The following CFAP54 variants were observed in gnomAD, a reference collection of about 807,000 sequenced individuals.
The protein encoded by CFAP54 is cilia and flagella associated protein 54.
Under a neutral mutation model 370.4 loss-of-function variants are expected in CFAP54, and 290 were observed. That is an observed-to-expected ratio of 0.78 (90% CI 0.71 to 0.86). CFAP54 has a LOEUF of 0.86. CFAP54 is among the 40% of genes least tolerant of loss of function. The pLI is 0.00. For synonymous variants in CFAP54, 1,206 were observed against 1,236.5 expected, an observed-to-expected ratio of 0.98 and a Z score of 0.52; for missense variants, 3,399 against 3,528.7, an observed-to-expected ratio of 0.96 and a Z score of 0.93.
At chr12:96,789,131 G>A (rs951997767) in intron 62 of CFAP54, among the ~76,000 whole-genome samples, 1 of 152,166 alleles carries the variant, frequency 6.6e-6, no homozygotes, top group Admixed American at 6.5e-5. Flanking sequence ...GTCATTTCAG[G>A]CTCCTCATGT....
intron 12 of CFAP54, among the ~76,000 whole-genome samples, chr12:96,536,633 T>TC (rs1240043642): frequency 6.7e-6 from 1 of 148,782 alleles, no homozygotes; most frequent in East Asian, 1.9e-4. Flanking sequence ...TTTCTTTTTT[T>TC]TTTTTTTTTT....
intron 59 of CFAP54, among the ~76,000 whole-genome samples, chr12:96,764,778 C>A (rs531638341): frequency 1.3e-5 from 2 of 152,272 alleles, no homozygotes; most frequent in African/African-American, 4.8e-5. Flanking sequence ...AAACTATTGG[C>A]AGATATACAT....
intron 41 of CFAP54, 28 bp from the exon 42 acceptor site, chr12:96,685,001 A>G: frequency 6.2e-7 from 1 of 1,606,470 alleles, no homozygotes; most frequent in Non-Finnish European, 8.5e-7. Flanking sequence ...CAGAAAACTT[A>G]CTGCTTGATG....
intron 32 of CFAP54, among the ~76,000 whole-genome samples, chr12:96,638,438 A>G (rs968123188): frequency 6.6e-6 from 1 of 150,426 alleles, no homozygotes; most frequent in Non-Finnish European, 1.5e-5. Context: ...TGGCCTCGCT[A>G]TGTTGCCCAG....
intron 11 of CFAP54, among the ~76,000 whole-genome samples, chr12:96,535,164 C>T (rs931852710): frequency 1.3e-5 from 2 of 151,916 alleles, no homozygotes; most frequent in Admixed American, 1.3e-4. Context: ...GTTCTCCTGC[C>T]TCAGCCTCCC....
At chr12:96,633,012 T>A (rs1328490784) in intron 32 of CFAP54, among the ~76,000 whole-genome samples, 1 of 152,140 alleles carries the variant, frequency 6.6e-6, no homozygotes, top group Non-Finnish European at 1.5e-5. Context: ...TAAAATTACA[T>A]TTTTGAATTT....
At chr12:96,665,315 T>TTAG (rs1957068991) in intron 39 of CFAP54, among the ~76,000 whole-genome samples, 1 of 152,202 alleles carries the variant, frequency 6.6e-6, no homozygotes, top group African/African-American at 2.4e-5. Context: ...CAAAAGCTGT[T>TTAG]TAGTTTAATT....
intron 39 of CFAP54, among the ~76,000 whole-genome samples, chr12:96,669,237 G>A (rs117845206): frequency 0.038 from 5,721 of 152,312 alleles, 133 homozygotes; most frequent in Middle Eastern, 0.071. Flanking sequence ...CTCTTAGAGG[G>A]AAGGATAGAG....
Position 96,500,926 on chromosome 12 carries a change from T to G in CFAP54, c.410T>G (p.Leu137Arg). The G allele has an allele frequency of 6.5e-7, 1 of 1,533,730 alleles. No individual in the cohort carries two copies. Among genetic ancestry groups the G allele is most frequent in the South Asian group, 1.2e-5 (1 of 83,806 alleles). ...AAGCTTCTGAAGGTTGGAGATAGCC[T>G]TTGTCAAATGAAAGTAAGTGCCTCT... is the stretch of plus-strand genomic sequence containing the variant. ...NEKLLKVGDS[L>R]CQMKEYKLAL... The change falls in exon 2 of 68, where the codon CTT becomes CGT. Residue 137 changes from leucine (L) to arginine (R), a missense_variant. This residue lies in a region of CFAP54 where 559 missense variants were observed against 576.7 expected (regional missense o/e 0.97). Coordinates refer to ENST00000524981, the MANE Select transcript of CFAP54 (RefSeq NM_001306084.2).
At chr12:96,791,208 G>A (rs897801992) in intron 62 of CFAP54, among the ~76,000 whole-genome samples, 5 of 144,798 alleles carry the variant, frequency 3.5e-5, no homozygotes, top group Admixed American at 7.4e-5. Flanking sequence ...TTTTTGAGAC[G>A]GAGTCTCACT....
At chr12:96,751,200 A>G (rs1466476575) in intron 55 of CFAP54, among the ~76,000 whole-genome samples, 1 of 152,146 alleles carries the variant, frequency 6.6e-6, no homozygotes, top group Admixed American at 6.5e-5. Flanking sequence ...AGTTACTTAC[A>G]TTTCTTATGT....
rs1473861262 is a variant in CFAP54, at chr12:96,651,936, T to G, written c.5100+121T>G. Reference sequence around the variant, plus strand: ...TCATTTGGTTTGTCTACATTTCATTTGCTTCTCATTATAATTTTGTTTACA... The same window carrying G: ...TCATTTGGTTTGTCTACATTTCATTGGCTTCTCATTATAATTTTGTTTACA... On this transcript the variant is annotated intron_variant, in intron 36 of 67. Coordinates refer to ENST00000524981, the MANE Select transcript of CFAP54 (RefSeq NM_001306084.2). 3 of 657,008 alleles carry G rather than the reference T, an allele frequency of 4.6e-6. No individual in the cohort carries two copies. The East Asian group carries it at 8.3e-5, about 18-fold the overall frequency. 40.7% of individuals were successfully genotyped at this position (657,008 alleles called of 1,614,324 possible). A position where few individuals can be genotyped will look rare whatever the true frequency, so the allele number is the denominator to read the frequency against.
chr12:96,853,255 A>C (rs952902460), intron 66 of CFAP54, among the ~76,000 whole-genome samples: 1 of 152,148 alleles, frequency 6.6e-6, no homozygotes, highest in East Asian at 1.9e-4. Flanking sequence ...AGAATGAACA[A>C]ACTATTGCTT....
intron 50 of CFAP54, among the ~76,000 whole-genome samples, chr12:96,731,790 T>A (rs531997222): frequency 6.6e-6 from 1 of 152,142 alleles, no homozygotes; most frequent in East Asian, 1.9e-4. Flanking sequence ...AAAATCCTAG[T>A]GAACAAGATA....
rs1957475197 is a variant in CFAP54 at position 96,700,021 on chromosome 12, A to T, written c.6402A>T (p.Ile2134=). The change falls in exon 46 of 68, where the codon ATA becomes ATT. Residue 2134 remains isoleucine (I), a synonymous_variant. Transcript: ENST00000524981. ...TCTTTTCTGAAGCCTTTTATGAGAT[A>T]TCCCAAATTTTCTATGGAAAAAACA... ...LRFFSEAFYE[I]SQIFYGKNMP... 3 of 1,604,682 alleles carry T rather than the reference A, an allele frequency of 1.9e-6. No homozygotes were observed. Among genetic ancestry groups the T allele is most frequent in the Non-Finnish European group, 2.6e-6 (3 of 1,172,972 alleles).
At chr12:96,611,174 C>A (rs1316244229) in intron 26 of CFAP54, among the ~76,000 whole-genome samples, 1 of 152,194 alleles carries the variant, frequency 6.6e-6, no homozygotes, top group African/African-American at 2.4e-5. Context: ...GGCTGGGTAC[C>A]CCTCTGAGAC....
intron 39 of CFAP54, among the ~76,000 whole-genome samples, chr12:96,664,999 T>TTTTTC (rs1957062272): frequency 1.3e-5 from 2 of 151,834 alleles, no homozygotes; most frequent in African/African-American, 2.4e-5. Flanking sequence ...TACTTTTTAC[T>TTTTTC]AGCAGACATT....
In CFAP54 at chr12:96,512,299, TTTTATATATATATATATATA is replaced by T. The variant is rs1309513385; in HGVS notation, c.740-685_740-666del. On this transcript the variant is annotated intron_variant, in intron 4 of 67. Coordinates refer to ENST00000524981, the MANE Select transcript of CFAP54 (RefSeq NM_001306084.2). ...ATGATAAGGAAACCATGGGAACCAA[TTTTATATATATATATATATA>T]TATATATATATATATATATATATAT... is the stretch of plus-strand genomic sequence containing the variant. Among the ~76,000 whole-genome samples, 95 of 119,572 alleles carry T rather than the reference TTTTATATATATATATATATA, an allele frequency of 7.9e-4. 1 individual carries two copies. Among genetic ancestry groups the T allele is most frequent in the African/African-American group, 2.6e-3 (88 of 33,266 alleles). 78.4% of individuals were successfully genotyped at this position (119,572 alleles called of 152,430 possible).
intron 66 of CFAP54, among the ~76,000 whole-genome samples, chr12:96,843,604 G>C (rs753175812): frequency 1.6e-4 from 25 of 152,276 alleles, no homozygotes; most frequent in African/African-American, 6.0e-4. Flanking sequence ...AGAGTTGGGC[G>C]ACTCTCCTTC....
Sources: allele counts gnomAD v4.1 joint callset (sites outside exome capture counted in the v4.1 genomes callset), GRCh38; gene constraint gnomAD v4.1.1; regional missense constraint gnomAD v4.1.1; transcripts MANE v1.5; gene names NCBI Gene and HGNC (gene_info 2026-07-23, HGNC 2026-07-21).